The following TMPRSS6 variants were observed in gnomAD, a reference collection of about 807,000 sequenced individuals.
TMPRSS6 encodes transmembrane protease serine 6.
TMPRSS6 carries 67 observed loss-of-function variants against 101.5 expected under a neutral mutation model. The observed-to-expected ratio is 0.66, with a 90% CI of 0.54 to 0.81. TMPRSS6 has a LOEUF of 0.81. TMPRSS6 is among the 30% of genes least tolerant of loss of function. The pLI is 0.00. For synonymous variants in TMPRSS6, 453 were observed against 464.9 expected, an observed-to-expected ratio of 0.97 and a Z score of 0.33; for missense variants, 1,034 against 1,088.7, an observed-to-expected ratio of 0.95 and a Z score of 0.71.
rs1601565661 is a variant in TMPRSS6 at position 37,096,619 on chromosome 22, G to A, written c.404+29C>T. 6 of 1,553,832 alleles carry A rather than the reference G, an allele frequency of 3.9e-6. No homozygotes were observed. The East Asian group carries it at 1.2e-4, about 31-fold the overall frequency. On this transcript the variant is annotated intron_variant, in intron 4 of 17. Transcript: ENST00000676104. Reference sequence around the variant, plus strand: ...ATTCTTTGAATCTCAGCTTCTTGCAGGAGCTGGTCAGGGGCAAGGACAACT... The same window carrying A: ...ATTCTTTGAATCTCAGCTTCTTGCAAGAGCTGGTCAGGGGCAAGGACAACT...
intron 2 of TMPRSS6, among the ~76,000 whole-genome samples, chr22:37,102,183 T>C (rs1390188451): frequency 6.6e-6 from 1 of 152,268 alleles, no homozygotes; most frequent in Non-Finnish European, 1.5e-5. Flanking sequence ...CTTTGCAGGA[T>C]GTTTAATGGG....
At position 37,066,196 on chromosome 22, in the gene TMPRSS6, G is replaced by A. The variant is rs776069764; in HGVS notation, c.2293C>T (p.Arg765Cys). ...GPLVCKALSG[R>C]WFLAGLVSWG... ...CTGACCAGCCCCGCCAGGAACCAGC[G>A]GCCACTGAGTGCCTTGCACACCAGC... The change falls in exon 18 of 18, where the codon CGC becomes TGC. Residue 765 changes from arginine to cysteine, a missense_variant. Physicochemically the swap from Arg to Cys is radical, Grantham distance 180. Transcript: ENST00000676104. 1.2e-5 allele frequency: 20 copies of A among 1,612,932 alleles called. No individual in the cohort carries two copies. Among genetic ancestry groups the A allele is most frequent in the African/African-American group, 6.7e-5 (5 of 74,932 alleles).
intron 10 of TMPRSS6, among the ~76,000 whole-genome samples, chr22:37,077,337 C>CA (rs1446676605): frequency 1.5e-4 from 23 of 152,152 alleles, no homozygotes; most frequent in Non-Finnish European, 4.4e-5. Flanking sequence ...AGGTCTGAGC[C>CA]CCCTACATGC....
Position 37,069,475 on chromosome 22 carries a change from C to A in TMPRSS6, c.1842-131G>T. The A allele has an allele frequency of 2.1e-6, 2 of 936,722 alleles. No individual in the cohort carries two copies. The highest frequency in any genetic ancestry group is 3.2e-6 in the Non-Finnish European group (2 of 630,336). The allele number at this position is 936,722 out of a possible 1,614,324, so 58.0% of individuals were successfully genotyped here. On this transcript the variant is annotated intron_variant, in intron 15 of 17. Coordinates refer to ENST00000676104, the MANE Select transcript of TMPRSS6 (RefSeq NM_001374504.1). The surrounding 1 kb of genome is among the most constrained non-coding windows in gnomAD (Gnocchi z 4.8). The stretch of plus-strand genomic sequence containing the variant: ...TGCCCTCCACACCCAGCCCTCCCTT[C>A]CCTCCCTGAAGGTCGCCTAGCTGGT...
rs1344970829 is a variant in TMPRSS6 at position 37,101,837 on chromosome 22, G to A, written c.202+1379C>T. Among the ~76,000 whole-genome samples the A allele has an allele frequency of 1.3e-5, 2 of 152,308 alleles. No individual in the cohort carries two copies. The highest frequency in any genetic ancestry group is 3.4e-3 in the Middle Eastern group (1 of 294). On this transcript the variant is annotated intron_variant, in intron 2 of 17. Coordinates refer to ENST00000676104, the MANE Select transcript of TMPRSS6 (RefSeq NM_001374504.1). This position sits in a 1 kb window ranked among gnomAD's most constrained non-coding sequence, Gnocchi z 4.1. ...AGCCCAGTGCCCCGTGGTTTACCCT[G>A]TAGACTAATTAGCCCGCTACCTGAG...
Position 37,103,520 on chromosome 22 carries a change from G to T in TMPRSS6, c.-1-102C>A. ...GGAAGCAGGACTTCCCTGCCTTTTGGAGTGGAAGAGTAACAACATCAGGCG... is the reference window on the plus strand; with the variant it reads ...GGAAGCAGGACTTCCCTGCCTTTTGTAGTGGAAGAGTAACAACATCAGGCG... On this transcript the variant is annotated intron_variant, in intron 1 of 17. Coordinates refer to ENST00000676104, the MANE Select transcript of TMPRSS6 (RefSeq NM_001374504.1). The surrounding 1 kb of genome is among the most constrained non-coding windows in gnomAD (Gnocchi z 4.4). 6.2e-7 allele frequency: 1 copy of T among 1,614,138 alleles called. No individual in the cohort carries two copies. Among genetic ancestry groups the T allele is most frequent in the East Asian group, 2.2e-5 (1 of 44,892 alleles).
intron 1 of TMPRSS6, among the ~76,000 whole-genome samples, chr22:37,106,538 T>C (rs1007136416): frequency 6.6e-6 from 1 of 152,148 alleles, no homozygotes. Flanking sequence ...ATGGTCCAAA[T>C]GGCAGTAGTG....
rs1926707026 is a variant in TMPRSS6, at chr22:37,069,712, T to C, written c.1842-368A>G. ...GCCAGGCCCCCGACACAGATTTCTT[T>C]TTTCCTGTGTGCTTTACAGACCCAG... On this transcript the variant is annotated intron_variant, in intron 15 of 17. Transcript: ENST00000676104. This position sits in a 1 kb window ranked among gnomAD's most constrained non-coding sequence, Gnocchi z 4.8. Among the ~76,000 whole-genome samples the C allele has an allele frequency of 6.6e-6, 1 of 152,214 alleles. No individual in the cohort carries two copies.
chr22:37,071,168 T>C (rs1926865383), intron 13 of TMPRSS6, 136 bp from the exon 14 acceptor site: 5 of 779,800 alleles, frequency 6.4e-6, no homozygotes, highest in Non-Finnish European at 1.1e-5. Context: ...TGAGTCTCCT[T>C]TAGGGTCTCC....
chr22:37,098,578 T>C, intron 2 of TMPRSS6, 29 bp from the exon 3 acceptor site: 1 of 1,614,052 alleles, frequency 6.2e-7, no homozygotes, highest in Non-Finnish European at 8.5e-7. Context: ...GCAGGGTTAG[T>C]GGAGGAAGCA....
At chr22:37,094,832 C>A (rs1194659312) in intron 6 of TMPRSS6, among the ~76,000 whole-genome samples, 1 of 152,196 alleles carries the variant, frequency 6.6e-6, no homozygotes, top group African/African-American at 2.4e-5. Flanking sequence ...GAGACGCTCA[C>A]CCCCACCTTG....
intron 8 of TMPRSS6, among the ~76,000 whole-genome samples, chr22:37,085,607 A>T (rs1928674636): frequency 6.6e-6 from 1 of 152,130 alleles, no homozygotes; most frequent in East Asian, 1.9e-4. Context: ...CCTGCGCAGA[A>T]GTATGGCTGG....
intron 8 of TMPRSS6, among the ~76,000 whole-genome samples, 158 bp downstream of exon 8, chr22:37,086,125 G>T (rs568586949): frequency 4.2e-5 from 6 of 142,880 alleles, no homozygotes; most frequent in Non-Finnish European, 9.2e-5. Flanking sequence ...GAAGAGGGGG[G>T]CCGGGGTGGG....
Position 37,096,012 on chromosome 22 carries a change from C to A in TMPRSS6, c.483G>T (p.Val161=). The A allele has an allele frequency of 6.2e-7, 1 of 1,614,236 alleles. No individual in the cohort carries two copies. ...GCTCCTCCACCAGCAGTGCCTGCAC[C>A]ACCTCGGGGCTCAGCATCAGCCGGC... ...EHRRLMLSPE[V]VQALLVEELL... The change falls in exon 5 of 18, where the codon GTG becomes GTT. Residue 161 remains valine, a synonymous_variant. Transcript: ENST00000676104.
intron 16 of TMPRSS6, among the ~76,000 whole-genome samples, chr22:37,067,328 G>C (rs1926396221): frequency 6.6e-6 from 1 of 152,116 alleles, no homozygotes; most frequent in Admixed American, 6.5e-5. Context: ...AAATTAGCTG[G>C]GTGTGGTGGC....
rs1929738660 is a variant in TMPRSS6, at chr22:37,096,077, T to G, written c.418A>C (p.Thr140Pro). The G allele has an allele frequency of 3.7e-6, 6 of 1,614,106 alleles. No homozygotes were observed. The highest frequency in any genetic ancestry group is 5.1e-6 in the Non-Finnish European group (6 of 1,180,030). ...SVYSFGEGPL[T>P]CFFWFILQIP... is the part of the protein sequence containing the mutation. ...TGGAGAATGAACCAGAAGAAGCAGG[T>G]GAGGGGTCCCTCCCTAAGGCAGGCA... The change falls in exon 5 of 18, where the codon ACC becomes CCC. Residue 140 changes from threonine (T) to proline (P), a missense_variant. Thr to Pro is a conservative substitution (Grantham distance 38). Transcript: ENST00000676104.
intron 1 of TMPRSS6, among the ~76,000 whole-genome samples, chr22:37,108,195 G>A (rs1433021475): frequency 5.3e-5 from 8 of 152,162 alleles, no homozygotes; most frequent in African/African-American, 7.2e-5. Context: ...AAGAGCCCTC[G>A]TGGACCTTGA....
rs1345365832 is a variant in TMPRSS6 at position 37,066,134 on chromosome 22, G to A, written c.2355C>T (p.Gly785=). ...GLGCGRPNYF[G]VYTRITGVIS... ...TCACACCTGTGATGCGGGTGTAGAC[G>A]CCGAAGTAGTTAGGCCGGCCACAGC... is the stretch of plus-strand genomic sequence containing the variant. Residue 785 remains glycine, a synonymous_variant, in exon 18 of 18, where the codon GGC becomes GGT. Coordinates refer to ENST00000676104, the MANE Select transcript of TMPRSS6 (RefSeq NM_001374504.1). 5.2e-5 allele frequency: 84 copies of A among 1,613,276 alleles called. No homozygotes were observed. The highest frequency in any genetic ancestry group is 1.6e-4 in the Middle Eastern group (1 of 6,084).
rs1930488133 is a variant in TMPRSS6, at chr22:37,103,358, C to G, written c.60G>C (p.Glu20Asp). 5 of 1,614,096 alleles carry G rather than the reference C, an allele frequency of 3.1e-6. No individual in the cohort carries two copies. In the South Asian group the frequency reaches 4.4e-5, roughly 14 times the overall value. ...TGAACATCCCCTCCGGCTCCGCTTC[C>G]TCGCCATCACCTCCGTCCCCCTGCC... is the stretch of plus-strand genomic sequence containing the variant. Reference protein sequence around the residue: ...AGGQGDGGDGEEAEPEGMFKA... With the variant: ...AGGQGDGGDGDEAEPEGMFKA... The change falls in exon 2 of 18, where the codon GAG (glutamate) becomes GAC (aspartate). Residue 20 changes from glutamate to aspartate, a missense_variant. Coordinates refer to ENST00000676104, the MANE Select transcript of TMPRSS6 (RefSeq NM_001374504.1). The surrounding 1 kb of genome is among the most constrained non-coding windows in gnomAD (Gnocchi z 4.4).
Sources: allele counts gnomAD v4.1 joint callset (sites outside exome capture counted in the v4.1 genomes callset), GRCh38; gene constraint gnomAD v4.1.1; non-coding constraint Gnocchi (gnomAD v3.1); transcripts MANE v1.5; gene names NCBI Gene and HGNC (gene_info 2026-07-23, HGNC 2026-07-21).